LHFPL3: variants seen among roughly 807,000 people sequenced by gnomAD.
LHFPL3 encodes LHFPL tetraspan subfamily member 3 protein.
A neutral mutation model predicts 19.3 loss-of-function variants in LHFPL3; 5 were observed. The observed-to-expected ratio is 0.26, with a 90% CI of 0.14 to 0.54. The LOEUF is 0.54. LHFPL3 is among the 20% of genes least tolerant of loss of function. The pLI is 0.94. For missense variants in LHFPL3, 249 were observed against 307.4 expected, an observed-to-expected ratio of 0.81 and a Z score of 1.42; for synonymous variants, 133 against 126.2, an observed-to-expected ratio of 1.05 and a Z score of -0.36.
At chr7:104,637,882 T>A (rs1468273065) in intron 1 of LHFPL3, among the ~76,000 whole-genome samples, 1 of 151,386 alleles carries the variant, frequency 6.6e-6, no homozygotes, top group Admixed American at 6.6e-5. Flanking sequence ...TCTGGCTCCT[T>A]TGGATTCCAT....
At chr7:104,886,960 T>G (rs1043988877) in intron 2 of LHFPL3, among the ~76,000 whole-genome samples, 1 of 152,224 alleles carries the variant, frequency 6.6e-6, no homozygotes, top group Admixed American at 6.5e-5. Context: ...AAGACTAATG[T>G]GGCTTCACAA....
chr7:104,826,114 T>G (rs1316592029), intron 2 of LHFPL3, among the ~76,000 whole-genome samples: 1 of 151,962 alleles, frequency 6.6e-6, no homozygotes, highest in African/African-American at 2.4e-5. Context: ...TATTATTTAA[T>G]TCATTCTTAA....
At chr7:104,476,873 C>T (rs1286264764) in intron 1 of LHFPL3, among the ~76,000 whole-genome samples, 5 of 152,146 alleles carry the variant, frequency 3.3e-5, no homozygotes, top group Admixed American at 1.3e-4. Context: ...CATAGAAGCA[C>T]GTATCAGGGC....
At chr7:104,644,252 T>C (rs901119260) in intron 1 of LHFPL3, among the ~76,000 whole-genome samples, 1 of 152,200 alleles carries the variant, frequency 6.6e-6, no homozygotes, top group Admixed American at 6.5e-5. Context: ...ATCGATCCCA[T>C]GGCTATAGGT....
chr7:104,541,147 C>CAA (rs1361776208), intron 1 of LHFPL3, among the ~76,000 whole-genome samples: 9 of 145,058 alleles, frequency 6.2e-5, no homozygotes, highest in Non-Finnish European at 1.2e-4. Context: ...CACACACACA[C>CAA]AACCCTGTGG....
intron 1 of LHFPL3, among the ~76,000 whole-genome samples, chr7:104,374,524 G>C (rs1302076224): frequency 6.6e-6 from 1 of 152,126 alleles, no homozygotes. Context: ...ACAGGTGAGA[G>C]CCACTGCACC....
At position 104,343,512 on chromosome 7, in the gene LHFPL3, C is replaced by CAAAAAAAAAAAAAAA. The variant is rs536122769; in HGVS notation, c.445+14313_445+14327dup. ...TGGGCAACAGAGTGAGACTCTGTCT[C>CAAAAAAAAAAAAAAA]AAAAAAAAAAAAAAAAAAAAAAAAA... On this transcript the variant is annotated intron_variant, in intron 1 of 2. Transcript: ENST00000424859. Among the ~76,000 whole-genome samples the CAAAAAAAAAAAAAAA allele has an allele frequency of 1.5e-4, 7 of 47,474 alleles. 1 individual carries two copies. The highest frequency in any genetic ancestry group is 3.0e-4 in the African/African-American group (4 of 13,292). The allele number at this position is 47,474 out of a possible 152,430, so 31.1% of individuals were successfully genotyped here.
intron 2 of LHFPL3, among the ~76,000 whole-genome samples, chr7:104,781,018 A>G (rs1298182075): frequency 6.6e-6 from 1 of 152,114 alleles, no homozygotes; most frequent in Non-Finnish European, 1.5e-5. Context: ...TGCCTTGTTG[A>G]AGTCCATCAG....
intron 2 of LHFPL3, among the ~76,000 whole-genome samples, chr7:104,814,162 G>T (rs1021261516): frequency 4.6e-5 from 7 of 152,080 alleles, no homozygotes; most frequent in Admixed American, 2.0e-4. Context: ...TCCTAGCAGA[G>T]GGTAGCTCCT....
intron 1 of LHFPL3, among the ~76,000 whole-genome samples, chr7:104,469,399 T>G (rs1212012961): frequency 1.3e-5 from 2 of 152,230 alleles, no homozygotes; most frequent in Admixed American, 6.5e-5. Flanking sequence ...TGTTTCCTGG[T>G]AGGCATTAGT....
At chr7:104,777,260 G>A (rs879401312) in intron 2 of LHFPL3, among the ~76,000 whole-genome samples, 1 of 152,224 alleles carries the variant, frequency 6.6e-6, no homozygotes, top group African/African-American at 2.4e-5. Flanking sequence ...AGTGTTTCCA[G>A]TATGGTTTTT....
At chr7:104,777,036 G>A (rs1794646997) in intron 2 of LHFPL3, among the ~76,000 whole-genome samples, 1 of 152,296 alleles carries the variant, frequency 6.6e-6, no homozygotes, top group South Asian at 2.1e-4. Context: ...GTCCTATCTG[G>A]CTCTAAGTAA....
At chr7:104,836,982 T>G (rs1022687671) in intron 2 of LHFPL3, among the ~76,000 whole-genome samples, 1 of 152,214 alleles carries the variant, frequency 6.6e-6, no homozygotes, top group African/African-American at 2.4e-5. Flanking sequence ...GAGGATCTTT[T>G]CTAATATTTC....
chr7:104,511,576 C>T (rs191041622), intron 1 of LHFPL3, among the ~76,000 whole-genome samples: 1,897 of 152,290 alleles, frequency 0.012, 24 homozygotes, highest in Middle Eastern at 0.031. Context: ...AGATGTCTTT[C>T]AGTGGGTGAA....
intron 2 of LHFPL3, among the ~76,000 whole-genome samples, chr7:104,813,088 T>C (rs1562801061): frequency 6.6e-6 from 1 of 151,786 alleles, no homozygotes; most frequent in Non-Finnish European, 1.5e-5. Context: ...CACTCCAGGC[T>C]AGGCAACAGA....
chr7:104,826,243 CTG>C (rs896316515), intron 2 of LHFPL3: 3 of 152,800 alleles, frequency 2.0e-5, no homozygotes, highest in African/African-American at 7.3e-5. Context: ...TAGGTCCAAA[CTG>C]TGCCACAGCC....
chr7:104,473,956 C>T (rs574181923), intron 1 of LHFPL3, among the ~76,000 whole-genome samples: 25 of 152,126 alleles, frequency 1.6e-4, no homozygotes, highest in Admixed American at 9.2e-4. Flanking sequence ...CCTGCATGTG[C>T]GTGCACACAC....
chr7:104,365,972 C>T (rs1194980132), intron 1 of LHFPL3, among the ~76,000 whole-genome samples: 1 of 152,094 alleles, frequency 6.6e-6, no homozygotes, highest in Admixed American at 6.5e-5. Context: ...GTAGCAGACC[C>T]AGTTGGCATG....
At chr7:104,558,078 C>T (rs112810303) in intron 1 of LHFPL3, among the ~76,000 whole-genome samples, 2 of 148,772 alleles carry the variant, frequency 1.3e-5, no homozygotes, top group African/African-American at 2.5e-5. Context: ...CAGTCTATCA[C>T]TGTTGGACAT....
Sources: allele counts gnomAD v4.1 joint callset (sites outside exome capture counted in the v4.1 genomes callset), GRCh38; gene constraint gnomAD v4.1.1; transcripts MANE v1.5; gene names NCBI Gene and HGNC (gene_info 2026-07-23, HGNC 2026-07-21).